The following KCNMA1 variants were observed in gnomAD, a reference collection of about 807,000 sequenced individuals.
The protein encoded by KCNMA1 is Calcium-activated potassium channel subunit alpha-1.
In KCNMA1, 29 loss-of-function variants were observed where a neutral mutation model predicts 140.0. The observed-to-expected ratio is 0.21, with a 90% confidence interval of 0.15 to 0.28. The LOEUF is 0.28. Among genes scored for constraint, KCNMA1 ranks in the 10% least tolerant of loss-of-function variants. The pLI, the probability that KCNMA1 is intolerant of heterozygous loss-of-function variation, is 1.00. For synonymous variants in KCNMA1, 612 were observed against 611.9 expected, an observed-to-expected ratio of 1.00 and a Z score of 0.00; for missense variants, 880 against 1,602.2, an observed-to-expected ratio of 0.55 and a Z score of 7.70.
intron 19 of KCNMA1, among the ~76,000 whole-genome samples, chr10:76,999,352 G>A (rs2085432151): frequency 6.6e-6 from 1 of 152,204 alleles, no homozygotes; most frequent in Non-Finnish European, 1.5e-5. Flanking sequence ...AGCCAGAGTG[G>A]CTCCTTTCTT....
chr10:77,005,401 C>T (rs1417151812), intron 18 of KCNMA1, among the ~76,000 whole-genome samples: 1 of 152,142 alleles, frequency 6.6e-6, no homozygotes, highest in South Asian at 2.1e-4. Context: ...TTTTTAAAGC[C>T]CTGCTGCAGC....
chr10:77,572,569 CAT>C (rs56706119), intron 1 of KCNMA1, among the ~76,000 whole-genome samples: 8,530 of 37,446 alleles, frequency 0.23, 1,146 homozygotes, highest in Middle Eastern at 0.35. Flanking sequence ...AAAAAAAATC[CAT>C]ATATATATAT....
chr10:77,520,449 G>A (rs559076793), intron 1 of KCNMA1, among the ~76,000 whole-genome samples: 3 of 152,154 alleles, frequency 2.0e-5, no homozygotes, highest in East Asian at 1.9e-4. Context: ...AGGGGCTGGT[G>A]AGGACTCAAG....
intron 20 of KCNMA1, among the ~76,000 whole-genome samples, chr10:76,960,545 AAAG>A (rs3067715): frequency 0.22 from 32,414 of 149,116 alleles, 3,755 homozygotes; most frequent in South Asian, 0.29. Flanking sequence ...TCTAAAAAAA[AAAG>A]AAGAAGAACA....
Position 77,029,262 on chromosome 10 carries a change from C to A in KCNMA1, c.1860-1371G>T, listed in dbSNP as rs184379143. 3.0e-4 allele frequency among the ~76,000 whole-genome samples: 45 copies of A among 152,250 alleles called. 2 individuals carry two copies. The highest frequency in any genetic ancestry group is 4.4e-5 in the Non-Finnish European group (3 of 68,034). Reference sequence around the variant, plus strand: ...AATAGAATATTGATTAACTGATAGACTGAACAATGAGTTGATGCTTATTTA... The same window carrying A: ...AATAGAATATTGATTAACTGATAGAATGAACAATGAGTTGATGCTTATTTA... On this transcript the variant is annotated intron_variant, in intron 15 of 27. Transcript: ENST00000286628.
intron 2 of KCNMA1, among the ~76,000 whole-genome samples, chr10:77,397,921 C>T (rs569881559): frequency 6.6e-6 from 1 of 152,116 alleles, no homozygotes; most frequent in Non-Finnish European, 1.5e-5. Flanking sequence ...CTAGTTCCAT[C>T]CATGTTGCTG....
In KCNMA1 at chr10:77,332,835, G is replaced by A. The variant is rs560140178; in HGVS notation, c.540+71027C>T. 9.5e-4 allele frequency among the ~76,000 whole-genome samples: 145 copies of A among 152,282 alleles called. 3 individuals are homozygous for A. Among genetic ancestry groups the A allele is most frequent in the Admixed American group, 8.6e-3 (132 of 15,294 alleles). ...GCCTCATCCCATTTTCCAAAATTCAGACAAATGCAGAGAAACACTGGGCTT... is the reference window on the plus strand; with the variant it reads ...GCCTCATCCCATTTTCCAAAATTCAAACAAATGCAGAGAAACACTGGGCTT... On this transcript the variant is annotated intron_variant, in intron 2 of 27. Transcript: ENST00000286628.
intron 2 of KCNMA1, among the ~76,000 whole-genome samples, chr10:77,381,729 C>T (rs2095394008): frequency 6.6e-6 from 1 of 152,080 alleles, no homozygotes; most frequent in South Asian, 2.1e-4. Context: ...CCACAAATTC[C>T]CTTGTTTATA....
At chr10:77,248,100 T>A (rs2154247576) in intron 3 of KCNMA1, among the ~76,000 whole-genome samples, 1 of 152,252 alleles carries the variant, frequency 6.6e-6, no homozygotes, top group Non-Finnish European at 1.5e-5. Context: ...TAAAAAGAGC[T>A]TTAAAAGGTT....
Position 77,637,603 on chromosome 10 carries a change from C to CGCT in KCNMA1, c.39_40insAGC (p.Gly13_Gly14insSer), listed in dbSNP as rs1568036310. On this transcript the variant is annotated inframe_insertion, in exon 1 of 28. Transcript: ENST00000286628. ...CTGCTGCCTCCGCCGCCGCCGCCGCCGCCGCTGCTGCCGCCGCCGCCGCCG... is the reference window on the plus strand; with the variant it reads ...CTGCTGCCTCCGCCGCCGCCGCCGCCGCTGCCGCTGCTGCCGCCGCCGCCGCCG... 2.6e-6 allele frequency: 4 copies of CGCT among 1,525,662 alleles called. No homozygotes were observed. Among genetic ancestry groups the CGCT allele is most frequent in the Non-Finnish European group, 3.5e-6 (4 of 1,140,640 alleles). 94.5% of individuals were successfully genotyped at this position (1,525,662 alleles called of 1,614,324 possible). A position where few individuals can be genotyped will look rare whatever the true frequency, so the allele number is the denominator to read the frequency against.
intron 14 of KCNMA1, among the ~76,000 whole-genome samples, chr10:77,044,539 C>T (rs2094927819): frequency 6.6e-6 from 1 of 152,092 alleles, no homozygotes; most frequent in African/African-American, 2.4e-5. Flanking sequence ...GTGCCAGCTA[C>T]TCAGGAGGCT....
chr10:77,330,427 C>T (rs1467572624), intron 2 of KCNMA1, among the ~76,000 whole-genome samples: 3 of 152,178 alleles, frequency 2.0e-5, no homozygotes, highest in South Asian at 4.1e-4. Flanking sequence ...TCTCCATTGC[C>T]TTGCTCCTTG....
intron 22 of KCNMA1, among the ~76,000 whole-genome samples, chr10:76,948,615 A>G (rs2065114118): frequency 6.6e-6 from 1 of 152,174 alleles, no homozygotes; most frequent in South Asian, 2.1e-4. Flanking sequence ...AAACACAACC[A>G]TGAACACGTT....
intron 25 of KCNMA1, among the ~76,000 whole-genome samples, chr10:76,894,864 T>C (rs1371314572): frequency 2.0e-5 from 3 of 152,160 alleles, no homozygotes; most frequent in Non-Finnish European, 4.4e-5. Context: ...TCTCACACAC[T>C]GCTGGTGGGA....
intron 20 of KCNMA1, among the ~76,000 whole-genome samples, chr10:76,969,126 A>C (rs1451344095): frequency 6.6e-6 from 1 of 152,072 alleles, no homozygotes; most frequent in African/African-American, 2.4e-5. Flanking sequence ...AATTGAAGAC[A>C]AAAAGGGGAG....
chr10:77,070,063 G>T (rs770477346), intron 14 of KCNMA1, among the ~76,000 whole-genome samples: 2 of 152,110 alleles, frequency 1.3e-5, no homozygotes, highest in Non-Finnish European at 2.9e-5. Context: ...TGATCCACCT[G>T]CCTTGGCCTC....
In KCNMA1 at chr10:76,879,288, G is replaced by A. The variant is rs1366895214; in HGVS notation, c.3428-1398C>T. Among the ~76,000 whole-genome samples the A allele has an allele frequency of 7.2e-5, 11 of 152,072 alleles. No individual in the cohort carries two copies. The East Asian group carries it at 2.1e-3, about 29-fold the overall frequency. ...TCAAAGCCTCGCCCCAGTTTAATGCGGCAGCTCAGTTTACCCCACAGGAAA... is the reference window on the plus strand; with the variant it reads ...TCAAAGCCTCGCCCCAGTTTAATGCAGCAGCTCAGTTTACCCCACAGGAAA... On this transcript the variant is annotated intron_variant, in intron 29 of 29. Coordinates refer to the KCNMA1 transcript ENST00000372403.
intron 16 of KCNMA1, among the ~76,000 whole-genome samples, chr10:77,025,769 A>G (rs2093390639): frequency 6.6e-6 from 1 of 152,088 alleles, no homozygotes; most frequent in South Asian, 2.1e-4. Context: ...TTATTATCTC[A>G]GGGAAGATTT....
At chr10:77,301,428 G>A (rs1601786706) in intron 2 of KCNMA1, among the ~76,000 whole-genome samples, 1 of 152,102 alleles carries the variant, frequency 6.6e-6, no homozygotes, top group Non-Finnish European at 1.5e-5. Flanking sequence ...GACTCATAAG[G>A]ATCATCATCA....
Sources: gnomAD v4.1 joint callset for allele counts (sites outside exome capture counted in the v4.1 genomes callset) on GRCh38, gnomAD v4.1.1 for gene constraint, MANE v1.5 for transcripts, NCBI Gene and HGNC (gene_info 2026-07-23, HGNC 2026-07-21) for gene names.